Variants in RASGRP3 observed in about 807,000 individuals in gnomAD.
The protein encoded by RASGRP3 is ras guanyl-releasing protein 3.
In RASGRP3, 54 loss-of-function variants were observed where a neutral mutation model predicts 82.7. That is an observed-to-expected ratio of 0.65 (90% CI 0.52 to 0.82). The LOEUF is 0.82. Ranked by LOEUF, RASGRP3 falls within the 40% of genes least tolerant of loss-of-function variation. RASGRP3 has a pLI of 0.00. For missense variants in RASGRP3, 861 were observed against 828.9 expected (o/e 1.04, Z -0.48); for synonymous variants, 309 against 300.5 (o/e 1.03, Z -0.29).
Position 33,440,966 on chromosome 2 carries a change from TG to T in RASGRP3, c.-385+4376del, listed in dbSNP as rs1574210263. ...GGAATGCAGTGGCACAAGCTCGGCTTGCTGCAGCCTCCACCTCCAGGGCTCA... is the reference window on the plus strand; with the variant it reads ...GGAATGCAGTGGCACAAGCTCGGCTTCTGCAGCCTCCACCTCCAGGGCTCA... On this transcript the variant is annotated intron_variant, in intron 1 of 18. Coordinates refer to the RASGRP3 transcript ENST00000402538. Among the ~76,000 whole-genome samples the T allele has an allele frequency of 2.0e-5, 3 of 152,258 alleles. No homozygotes were observed. In the East Asian group the frequency reaches 5.8e-4, roughly 29 times the overall value.
chr2:33,497,691 T>C (rs1466296678), intron 1 of RASGRP3, among the ~76,000 whole-genome samples: 2 of 152,222 alleles, frequency 1.3e-5, no homozygotes, highest in Non-Finnish European at 2.9e-5. Context: ...TGCAGGAAGA[T>C]ATGTGTCTTT....
At chr2:33,508,168 T>C (rs1482478838) in intron 1 of RASGRP3, among the ~76,000 whole-genome samples, 3 of 152,018 alleles carry the variant, frequency 2.0e-5, no homozygotes, top group African/African-American at 4.8e-5. Flanking sequence ...AGAAACAAGT[T>C]TGTGGGAGGA....
intron 7 of RASGRP3, among the ~76,000 whole-genome samples, chr2:33,523,522 C>T (rs1313936603): frequency 6.6e-6 from 1 of 151,622 alleles, no homozygotes; most frequent in East Asian, 1.9e-4. Context: ...TCATTTACAC[C>T]TAGAGTGTTC....
chr2:33,463,419 A>G (rs1414505800), intron 2 of RASGRP3, among the ~76,000 whole-genome samples: 1 of 152,164 alleles, frequency 6.6e-6, no homozygotes, highest in Non-Finnish European at 1.5e-5. Flanking sequence ...GAGAAGAGAT[A>G]AAAGACAGGG....
At chr2:33,529,443 C>T (rs993962359) in intron 10 of RASGRP3, among the ~76,000 whole-genome samples, 1 of 126,288 alleles carries the variant, frequency 7.9e-6, no homozygotes, top group African/African-American at 3.2e-5. Flanking sequence ...TGCAGCGAGC[C>T]GAGATGGTGC....
At chr2:33,525,598 C>T (rs2151032387) in intron 9 of RASGRP3, among the ~76,000 whole-genome samples, 1 of 149,390 alleles carries the variant, frequency 6.7e-6, no homozygotes, top group Admixed American at 6.8e-5. Flanking sequence ...CGTGGTGGCT[C>T]ACACCTGTAA....
Position 33,519,822 on chromosome 2 carries a change from C to G in RASGRP3, c.174-130C>G, listed in dbSNP as rs1347678733. 14 of 607,906 alleles carry G rather than the reference C, an allele frequency of 2.3e-5. No homozygotes were observed. The East Asian group carries it at 2.3e-4, about 10-fold the overall frequency. 37.7% of individuals were successfully genotyped at this position (607,906 alleles called of 1,614,324 possible). On this transcript the variant is annotated intron_variant, in intron 4 of 17. Coordinates refer to ENST00000403687, the MANE Select transcript of RASGRP3 (RefSeq NM_001139488.2). The stretch of plus-strand genomic sequence containing the variant: ...GTGGAAGTCATCAGAGGCCACTTCT[C>G]TCCGTATTTGAGTGTCTATATAACC...
intron 1 of RASGRP3, among the ~76,000 whole-genome samples, chr2:33,486,338 A>AT: frequency 6.6e-6 from 1 of 151,732 alleles, no homozygotes; most frequent in Middle Eastern, 3.4e-3. Flanking sequence ...TAATTTTTGT[A>AT]TTTTGTTTTA....
chr2:33,558,695 C>T lies in RASGRP3; in HGVS notation c.1729C>T (p.Pro577Ser), dbSNP rs746562760. 6.2e-7 allele frequency: 1 copy of T among 1,608,994 alleles called. No individual in the cohort carries two copies. Among genetic ancestry groups the T allele is most frequent in the South Asian group, 1.1e-5 (1 of 90,004 alleles). Residue 577 changes from proline to serine, a missense_variant, in exon 17 of 18, where the codon CCT (proline) becomes TCT (serine). Physicochemically the swap from Pro to Ser is moderately conservative, Grantham distance 74. Transcript: ENST00000403687. Reference sequence around the variant, plus strand: ...AGCGCAGGATGAGGTGTTTGAGTTCCCTGGAGTCACTGCTGGACACAGGGA... The same window carrying T: ...AGCGCAGGATGAGGTGTTTGAGTTCTCTGGAGTCACTGCTGGACACAGGGA... Reference protein sequence around the residue: ...PPAQDEVFEFPGVTAGHRDLD... With the variant: ...PPAQDEVFEFSGVTAGHRDLD...
chr2:33,490,931 G>T (rs1466592912), intron 1 of RASGRP3, among the ~76,000 whole-genome samples: 1 of 152,216 alleles, frequency 6.6e-6, no homozygotes, highest in Non-Finnish European at 1.5e-5. Context: ...GAATGATTTG[G>T]ATACTGGGCC....
intron 2 of RASGRP3, among the ~76,000 whole-genome samples, chr2:33,458,865 C>G (rs889595761): frequency 6.6e-6 from 1 of 152,108 alleles, no homozygotes; most frequent in African/African-American, 2.4e-5. Context: ...ATTCCATGGC[C>G]TCAGTGATCT....
At chr2:33,546,380 A>G (rs906172085) in intron 13 of RASGRP3, among the ~76,000 whole-genome samples, 6 of 150,726 alleles carry the variant, frequency 4.0e-5, no homozygotes, top group Non-Finnish European at 5.9e-5. Flanking sequence ...CCAAGATCGC[A>G]CCACTGCACT....
intron 1 of RASGRP3, among the ~76,000 whole-genome samples, chr2:33,447,195 G>A (rs1400713882): frequency 1.3e-5 from 2 of 152,090 alleles, no homozygotes; most frequent in Non-Finnish European, 2.9e-5. Flanking sequence ...GGGTTGAGTG[G>A]TCCCACTGGT....
At chr2:33,457,148 G>A (rs894850518) in intron 2 of RASGRP3, among the ~76,000 whole-genome samples, 8 of 152,030 alleles carry the variant, frequency 5.3e-5, no homozygotes, top group African/African-American at 1.9e-4. Flanking sequence ...TGGGGTTACA[G>A]GTGCGAGCCG....
At chr2:33,555,719 A>G (rs538787570) in intron 15 of RASGRP3, among the ~76,000 whole-genome samples, 152 bp downstream of exon 15, 1 of 152,134 alleles carries the variant, frequency 6.6e-6, no homozygotes, top group African/African-American at 2.4e-5. Context: ...TCTGAGGAGG[A>G]GTTTCTGGAG....
intron 2 of RASGRP3, among the ~76,000 whole-genome samples, chr2:33,450,546 T>C (rs1183279708): frequency 6.6e-6 from 1 of 152,136 alleles, no homozygotes; most frequent in Non-Finnish European, 1.5e-5. Context: ...TGTTGCAAAT[T>C]ACAGAATTTT....
intron 1 of RASGRP3, among the ~76,000 whole-genome samples, chr2:33,502,362 C>G (rs1179625196): frequency 6.6e-6 from 1 of 152,100 alleles, no homozygotes; most frequent in African/African-American, 2.4e-5. Flanking sequence ...TTAGTTCACT[C>G]TGGGCTTCCC....
intron 15 of RASGRP3, among the ~76,000 whole-genome samples, chr2:33,556,443 T>A (rs113252370): frequency 0.2 from 19,265 of 97,186 alleles, 3,393 homozygotes; most frequent in Admixed American, 0.23. Context: ...GAGACGGGGT[T>A]TCACCTTGTT....
In RASGRP3 at chr2:33,539,213, A is replaced by G. The variant is rs779242146; in HGVS notation, c.1278+3A>G. ...AGCACATAAGGAAATTAGTGGAGGTAAGTGGTTGAGGGAGAATAAAGAGAG... is the reference window on the plus strand; with the variant it reads ...AGCACATAAGGAAATTAGTGGAGGTGAGTGGTTGAGGGAGAATAAAGAGAG... On this transcript the variant is annotated splice_donor_region_variant and intron_variant, in intron 12 of 17. Coordinates refer to ENST00000403687, the MANE Select transcript of RASGRP3 (RefSeq NM_001139488.2). 2.5e-6 allele frequency: 4 copies of G among 1,591,202 alleles called. No homozygotes were observed. The South Asian group carries it at 4.5e-5, about 18-fold the overall frequency.
Sources: allele counts gnomAD v4.1 joint callset (sites outside exome capture counted in the v4.1 genomes callset), GRCh38; gene constraint gnomAD v4.1.1; transcripts MANE v1.5; gene names NCBI Gene and HGNC (gene_info 2026-07-23, HGNC 2026-07-21).